Variants in MALRD1 observed in about 807,000 individuals in gnomAD.
MALRD1 encodes the protein MAM and LDL receptor class A domain containing 1, also known as MAM and LDL-receptor class A domain-containing protein 1.
A neutral mutation model predicts 242.1 loss-of-function variants in MALRD1; 247 were observed. The observed-to-expected ratio is 1.02, with a 90% CI of 0.92 to 1.13. The LOEUF is 1.13. Among genes scored for constraint, MALRD1 ranks in the 50% most tolerant of loss-of-function variants. The pLI is 0.00. For missense variants in MALRD1, 2,989 were observed against 2,533.1 expected, an observed-to-expected ratio of 1.18 and a Z score of -3.86; for synonymous variants, 995 against 866.6, an observed-to-expected ratio of 1.15 and a Z score of -2.60.
At position 19,073,342 on chromosome 10, in the gene MALRD1, G is replaced by T. The variant is rs186386724; in HGVS notation, c.340+6483G>T. On this transcript the variant is annotated intron_variant, in intron 2 of 39. Transcript: ENST00000454679. ...GCTGATTATTATTGTTAATTTTAAT[G>T]CAAAAGCTTTTATTAATTCCAGTGT... 5.3e-4 allele frequency among the ~76,000 whole-genome samples: 80 copies of T among 152,152 alleles called. No homozygotes were observed. In the Middle Eastern group the frequency reaches 0.014, roughly 26 times the overall value.
At chr10:19,547,460 A>C (rs1835256602) in intron 32 of MALRD1, among the ~76,000 whole-genome samples, 1 of 151,988 alleles carries the variant, frequency 6.6e-6, no homozygotes, top group Admixed American at 6.6e-5. Flanking sequence ...CAAGGACCTT[A>C]GCAATGCTTT....
At chr10:19,112,824 A>G (rs528819638) in intron 5 of MALRD1, among the ~76,000 whole-genome samples, 86 of 152,360 alleles carry the variant, frequency 5.6e-4, no homozygotes, top group African/African-American at 1.9e-3. Flanking sequence ...CTGAAAATCA[A>G]CAATGTTTAG....
rs367851611 is a variant in MALRD1 at position 19,607,762 on chromosome 10, C to CTT, written c.5945-6_5945-5dup. 127 of 1,317,320 alleles carry CTT rather than the reference C, an allele frequency of 9.6e-5. No homozygotes were observed. Among genetic ancestry groups the CTT allele is most frequent in the East Asian group, 3.0e-4 (10 of 32,856 alleles). 81.6% of individuals were successfully genotyped at this position (1,317,320 alleles called of 1,614,324 possible). ...CATGCTGGCATCCCTGATCATTATT[C>CTT]TTTTTTTTTTGCAGCCAACAAAAGC... On this transcript the variant is annotated splice_polypyrimidine_tract_variant and intron_variant, in intron 34 of 39. Transcript: ENST00000454679.
intron 28 of MALRD1, among the ~76,000 whole-genome samples, chr10:19,446,216 C>T (rs1834971144): frequency 6.6e-6 from 1 of 152,108 alleles, no homozygotes; most frequent in Non-Finnish European, 1.5e-5. Flanking sequence ...AATGGAATTC[C>T]CCAGTCGCTT....
chr10:19,150,483 C>A (rs535767818), intron 11 of MALRD1, among the ~76,000 whole-genome samples: 1 of 152,264 alleles, frequency 6.6e-6, no homozygotes, highest in African/African-American at 2.4e-5. Flanking sequence ...CTTATGAATT[C>A]TACCCATGTG....
intron 14 of MALRD1, among the ~76,000 whole-genome samples, chr10:19,175,676 T>C (rs1337389373): frequency 6.6e-6 from 1 of 151,856 alleles, no homozygotes; most frequent in Non-Finnish European, 1.5e-5. Flanking sequence ...ATTCAGAACT[T>C]CAAATGAGCA....
intron 36 of MALRD1, among the ~76,000 whole-genome samples, chr10:19,646,072 A>G (rs1840643660): frequency 6.6e-6 from 1 of 152,204 alleles, no homozygotes; most frequent in African/African-American, 2.4e-5. Context: ...AAACATGGAT[A>G]AAGTTTTTTC....
intron 33 of MALRD1, among the ~76,000 whole-genome samples, chr10:19,578,261 T>A (rs1836928891): frequency 6.6e-6 from 1 of 152,210 alleles, no homozygotes; most frequent in Non-Finnish European, 1.5e-5. Context: ...AAAGGACCAG[T>A]TGCTATTTGT....
intron 34 of MALRD1, among the ~76,000 whole-genome samples, chr10:19,606,499 G>A (rs1838632482): frequency 6.6e-6 from 1 of 152,128 alleles, no homozygotes; most frequent in South Asian, 2.1e-4. Context: ...GTACTCAGAG[G>A]AGCAGGGTTA....
intron 4 of MALRD1, among the ~76,000 whole-genome samples, chr10:19,100,815 G>GA (rs904271137): frequency 1.3e-5 from 2 of 151,368 alleles, no homozygotes; most frequent in Non-Finnish European, 3.0e-5. Context: ...GGAGTGTGGA[G>GA]AAAAAAAACC....
chr10:19,103,720 A>T (rs10826949), intron 4 of MALRD1, among the ~76,000 whole-genome samples: 10 of 151,888 alleles, frequency 6.6e-5, no homozygotes, highest in Non-Finnish European at 1.0e-4. Flanking sequence ...GTAGGGAAAA[A>T]TCTAGGTGAG....
rs57021132 is a variant in MALRD1, at chr10:19,530,421, A to ATTTATAT, written c.5321-773_5321-772insTTTATAT. 2.6e-4 allele frequency among the ~76,000 whole-genome samples: 5 copies of ATTTATAT among 19,510 alleles called. 1 individual carries two copies. The East Asian group carries it at 5.5e-3, about 21-fold the overall frequency. The allele number at this position is 19,510 out of a possible 152,430, so 12.8% of individuals were successfully genotyped here. On this transcript the variant is annotated intron_variant, in intron 31 of 39. Transcript: ENST00000454679. The stretch of plus-strand genomic sequence containing the variant: ...AAATATTATATATTTATATAATAAT[A>ATTTATAT]AATATATAATATATATAATATATAA...
chr10:19,335,208 A>G (rs1158707847), intron 24 of MALRD1, among the ~76,000 whole-genome samples: 1 of 75,614 alleles, frequency 1.3e-5, no homozygotes, highest in African/African-American at 4.8e-5. Flanking sequence ...TTTTTTTTTT[A>G]GATTTGAGTG....
chr10:19,490,935 G>A (rs1214423378), intron 29 of MALRD1: 5 of 175,934 alleles, frequency 2.8e-5, no homozygotes, highest in Admixed American at 5.7e-5. Context: ...TTTGCCCCAT[G>A]GGAGTCAGGA....
chr10:19,381,244 A>C (rs1374251759), intron 26 of MALRD1, among the ~76,000 whole-genome samples: 2 of 151,192 alleles, frequency 1.3e-5, no homozygotes, highest in African/African-American at 2.4e-5. Flanking sequence ...TGAACTCATC[A>C]ATTTTTATGG....
chr10:19,218,558 C>T (rs1837426938), intron 18 of MALRD1, among the ~76,000 whole-genome samples: 1 of 151,992 alleles, frequency 6.6e-6, no homozygotes, highest in Admixed American at 6.6e-5. Flanking sequence ...TTAATTTATA[C>T]AGGAGATAGA....
chr10:19,661,790 A>T (rs1312833089), intron 36 of MALRD1, among the ~76,000 whole-genome samples: 1 of 152,182 alleles, frequency 6.6e-6, no homozygotes, highest in Non-Finnish European at 1.5e-5. Flanking sequence ...ATAATTTTAA[A>T]AAAAAAGAAT....
intron 36 of MALRD1, among the ~76,000 whole-genome samples, chr10:19,684,993 G>A (rs994281460): frequency 1.3e-5 from 2 of 151,960 alleles, no homozygotes; most frequent in Admixed American, 1.3e-4. Context: ...ACTCATATTT[G>A]GATATATCTC....
rs187065776 is a variant in MALRD1 at position 19,364,701 on chromosome 10, T to G, written c.4441+12404T>G. ...TTCTCTTGGAAGAAAAATATTATTG[T>G]GTGAAACTGAATATATTACATATCC... On this transcript the variant is annotated intron_variant, in intron 26 of 39. Transcript: ENST00000454679. Among the ~76,000 whole-genome samples, 830 of 152,280 alleles carry G rather than the reference T, an allele frequency of 5.5e-3. 6 individuals carry two copies. The highest frequency in any genetic ancestry group is 9.5e-3 in the Non-Finnish European group (646 of 67,978).
Sources: gnomAD v4.1 joint callset for allele counts (sites outside exome capture counted in the v4.1 genomes callset) on GRCh38, gnomAD v4.1.1 for gene constraint, MANE v1.5 for transcripts, NCBI Gene and HGNC (gene_info 2026-07-23, HGNC 2026-07-21) for gene names.